Variants in GALNT17 observed in about 807,000 individuals in gnomAD.
The protein encoded by GALNT17 is polypeptide N-acetylgalactosaminyltransferase 17.
GALNT17 carries 29 observed loss-of-function variants against 63.7 expected under a neutral mutation model. That is an observed-to-expected ratio of 0.46 (90% CI 0.34 to 0.62). The LOEUF (loss-of-function observed/expected upper bound fraction) is 0.62. Among genes scored for constraint, GALNT17 ranks in the 20% least tolerant of loss-of-function variants. The pLI is 0.01. For synonymous variants in GALNT17, 305 were observed against 318.3 expected (o/e 0.96, Z 0.45); for missense variants, 603 against 799.6 (o/e 0.75, Z 2.97).
chr7:71,285,751 A>G (rs1401330533), intron 1 of GALNT17, among the ~76,000 whole-genome samples: 1 of 152,190 alleles, frequency 6.6e-6, no homozygotes, highest in African/African-American at 2.4e-5. Flanking sequence ...CACCAAACAC[A>G]GAATGTGCTG....
intron 6 of GALNT17, among the ~76,000 whole-genome samples, chr7:71,660,107 C>A (rs185130680): frequency 6.6e-6 from 1 of 152,284 alleles, no homozygotes; most frequent in East Asian, 1.9e-4. Context: ...CTCATTTCAT[C>A]CCCCTGCCCA....
At chr7:71,643,255 G>A (rs1205181179) in intron 6 of GALNT17, among the ~76,000 whole-genome samples, 1 of 152,072 alleles carries the variant, frequency 6.6e-6, no homozygotes, top group Non-Finnish European at 1.5e-5. Context: ...ATCACCAGAG[G>A]TCAGGAGTTT....
At chr7:71,147,963 C>T (rs1788055969) in intron 1 of GALNT17, among the ~76,000 whole-genome samples, 1 of 152,198 alleles carries the variant, frequency 6.6e-6, no homozygotes, top group Non-Finnish European at 1.5e-5. Flanking sequence ...CCTTCATTCT[C>T]TGTAACCTCC....
intron 3 of GALNT17, among the ~76,000 whole-genome samples, chr7:71,407,025 A>G (rs748779539): frequency 6.6e-6 from 1 of 152,242 alleles, no homozygotes; most frequent in South Asian, 2.1e-4. Context: ...GTTGAAGACC[A>G]TTTTTTCACT....
chr7:71,257,862 A>G (rs926452701), intron 1 of GALNT17, among the ~76,000 whole-genome samples: 2 of 152,222 alleles, frequency 1.3e-5, no homozygotes, highest in African/African-American at 2.4e-5. Context: ...TGCATCCTGG[A>G]TTCTACGAAT....
At chr7:71,488,280 G>T (rs1244127084) in intron 5 of GALNT17, among the ~76,000 whole-genome samples, 1 of 151,998 alleles carries the variant, frequency 6.6e-6, no homozygotes, top group East Asian at 1.9e-4. Context: ...ATTATGGGAT[G>T]TCTGGGCAGG....
At chr7:71,549,530 C>T (rs1172580866) in intron 5 of GALNT17, among the ~76,000 whole-genome samples, 2 of 152,178 alleles carry the variant, frequency 1.3e-5, no homozygotes, top group Non-Finnish European at 2.9e-5. Flanking sequence ...GAGCTACGAT[C>T]ATGCCATTGC....
At chr7:71,264,987 T>C (rs1329782627) in intron 1 of GALNT17, among the ~76,000 whole-genome samples, 2 of 150,482 alleles carry the variant, frequency 1.3e-5, no homozygotes, top group East Asian at 3.9e-4. Flanking sequence ...CTTGAAATGT[T>C]CCCAATTCAT....
At chr7:71,599,738 G>C (rs750302072) in intron 6 of GALNT17, among the ~76,000 whole-genome samples, 4 of 151,590 alleles carry the variant, frequency 2.6e-5, no homozygotes, top group Admixed American at 6.6e-5. Context: ...CCCACCTTAA[G>C]AAATTACCTA....
chr7:71,286,967 A>G (rs1297158932), intron 1 of GALNT17, among the ~76,000 whole-genome samples: 2 of 151,550 alleles, frequency 1.3e-5, no homozygotes, highest in Admixed American at 6.6e-5. Flanking sequence ...ACGTTTTTGT[A>G]TATTTTATAG....
intron 1 of GALNT17, among the ~76,000 whole-genome samples, chr7:71,200,820 T>A (rs886616731): frequency 2.0e-5 from 3 of 152,098 alleles, no homozygotes; most frequent in Admixed American, 6.6e-5. Context: ...TCTATTTTTT[T>A]AAAAATAATG....
intron 1 of GALNT17, among the ~76,000 whole-genome samples, chr7:71,186,435 C>G (rs947851537): frequency 3.3e-5 from 5 of 152,236 alleles, no homozygotes; most frequent in Non-Finnish European, 7.3e-5. Context: ...AGCGGGGCCT[C>G]TGCCTCCTGG....
At chr7:71,207,560 C>T (rs1225555506) in intron 1 of GALNT17, among the ~76,000 whole-genome samples, 1 of 152,028 alleles carries the variant, frequency 6.6e-6, no homozygotes, top group East Asian at 1.9e-4. Context: ...TAGATGCTGG[C>T]TCGGGTGGGT....
chr7:71,511,408 A>G (rs6955186), intron 5 of GALNT17, among the ~76,000 whole-genome samples: 19,761 of 152,086 alleles, frequency 0.13, 1,810 homozygotes, highest in East Asian at 0.26. Context: ...GCCCTAGGCA[A>G]TTTTATTGCA....
Position 71,625,131 on chromosome 7 carries a change from C to G in GALNT17, c.1081-40280C>G, listed in dbSNP as rs57209687. Among the ~76,000 whole-genome samples, 7 of 134,790 alleles carry G rather than the reference C, an allele frequency of 5.2e-5. No homozygotes were observed. The South Asian group carries it at 2.1e-3, about 41-fold the overall frequency. The allele number at this position is 134,790 out of a possible 152,430, so 88.4% of individuals were successfully genotyped here. ...TCCATGTCACTTCTTTGGTCTCCAG[C>G]CTTTGTTTTTATTTATTTATTTATT... On this transcript the variant is annotated intron_variant, in intron 6 of 10. Coordinates refer to ENST00000333538, the MANE Select transcript of GALNT17 (RefSeq NM_022479.3).
At chr7:71,175,035 AT>A (rs1287459701) in intron 1 of GALNT17, among the ~76,000 whole-genome samples, 1 of 152,210 alleles carries the variant, frequency 6.6e-6, no homozygotes, top group African/African-American at 2.4e-5. Context: ...TCTACAATTA[AT>A]GTTTTGCCAT....
chr7:71,592,775 G>C (rs891809733), intron 6 of GALNT17, among the ~76,000 whole-genome samples: 11 of 152,134 alleles, frequency 7.2e-5, no homozygotes, highest in Non-Finnish European at 1.2e-4. Context: ...CATCATTTTT[G>C]AAGTATTATA....
At chr7:71,148,025 C>T (rs1227955544) in intron 1 of GALNT17, among the ~76,000 whole-genome samples, 2 of 152,200 alleles carry the variant, frequency 1.3e-5, no homozygotes, top group Non-Finnish European at 2.9e-5. Context: ...TCTTATGGTA[C>T]TTTCAGTGGA....
chr7:71,177,771 A>G (rs1415221954), intron 1 of GALNT17, among the ~76,000 whole-genome samples: 3 of 152,088 alleles, frequency 2.0e-5, no homozygotes, highest in Non-Finnish European at 4.4e-5. Flanking sequence ...ATTTACTTTT[A>G]TGTCTTAAAA....
Sources: gnomAD v4.1 joint callset for allele counts (sites outside exome capture counted in the v4.1 genomes callset) on GRCh38, gnomAD v4.1.1 for gene constraint, MANE v1.5 for transcripts, NCBI Gene and HGNC (gene_info 2026-07-23, HGNC 2026-07-21) for gene names.